The following PTPRK variants were observed in gnomAD, a reference collection of about 807,000 sequenced individuals.
PTPRK encodes receptor-type tyrosine-protein phosphatase kappa.
In PTPRK, 75 loss-of-function variants were observed where a neutral mutation model predicts 178.0. The ratio of observed to expected loss-of-function variants is 0.42; its 90% CI spans 0.35 to 0.51. The LOEUF is 0.51. Ranked by LOEUF, PTPRK falls within the 20% of genes least tolerant of loss-of-function variation. PTPRK has a pLI of 0.02. For missense variants in PTPRK, 1,441 were observed against 1,797.8 expected, an observed-to-expected ratio of 0.80 and a Z score of 3.59; for synonymous variants, 637 against 620.6, an observed-to-expected ratio of 1.03 and a Z score of -0.39.
intron 1 of PTPRK, among the ~76,000 whole-genome samples, chr6:128,478,792 C>T (rs1851684324): frequency 6.6e-6 from 1 of 152,014 alleles, no homozygotes; most frequent in Non-Finnish European, 1.5e-5. Context: ...AATTTACAGG[C>T]AAATAAAGAA....
chr6:128,306,525 G>A (rs1826400242), intron 3 of PTPRK, among the ~76,000 whole-genome samples: 1 of 152,144 alleles, frequency 6.6e-6, no homozygotes, highest in South Asian at 2.1e-4. Flanking sequence ...GCAAGGTATG[G>A]TGGCTCATGC....
chr6:128,179,117 C>A (rs893827374), intron 7 of PTPRK, among the ~76,000 whole-genome samples: 1 of 151,982 alleles, frequency 6.6e-6, no homozygotes, highest in East Asian at 1.9e-4. Flanking sequence ...TTAATGTTTA[C>A]GAGGAGGTAA....
chr6:128,000,029 A>C (rs1444817219), intron 15 of PTPRK: 1 of 957,886 alleles, frequency 1.0e-6, no homozygotes, highest in African/African-American at 1.8e-5. Context: ...GAAGTACTAA[A>C]CATTACAACG....
chr6:128,352,422 A>AGAGG lies in PTPRK; in HGVS notation c.224-30113_224-30112insCCTC, dbSNP rs1554232034. 0.014 allele frequency among the ~76,000 whole-genome samples: 7 copies of AGAGG among 518 alleles called. No individual in the cohort carries two copies. The Admixed American group carries it at 0.27, about 20-fold the overall frequency. The allele number at this position is 518 out of a possible 152,430, so 0.3% of individuals were successfully genotyped here. ...TCATTCTGCAACTACCTCTAGTTGC[A>AGAGG]GATCACTGTACAGTCCAGATTTGAT... is the stretch of plus-strand genomic sequence containing the variant. On this transcript the variant is annotated intron_variant, in intron 2 of 29. Coordinates refer to ENST00000368226, the MANE Select transcript of PTPRK (RefSeq NM_002844.4).
chr6:128,255,540 G>A (rs1817143908), intron 3 of PTPRK, among the ~76,000 whole-genome samples: 1 of 152,222 alleles, frequency 6.6e-6, no homozygotes, highest in Non-Finnish European at 1.5e-5. Flanking sequence ...TGTTGTCTAT[G>A]AAAACAGAAG....
Position 128,208,545 on chromosome 6 carries a change from T to C in PTPRK, c.868+10377A>G, listed in dbSNP as rs1045488015. ...CAGTGGGGGATATCTTTCCACATGA[T>C]ATATCTTACATGTGTTTTTATATGC... On this transcript the variant is annotated intron_variant, in intron 6 of 29. Transcript: ENST00000368226. 6.6e-5 allele frequency among the ~76,000 whole-genome samples: 10 copies of C among 152,256 alleles called. No individual in the cohort carries two copies. In the South Asian group the frequency reaches 1.9e-3, roughly 28 times the overall value.
intron 3 of PTPRK, among the ~76,000 whole-genome samples, chr6:128,269,372 A>C (rs1318763982): frequency 6.6e-6 from 1 of 152,040 alleles, no homozygotes; most frequent in African/African-American, 2.4e-5. Context: ...AGATAAAATA[A>C]AGGTAGTAAC....
chr6:128,456,366 C>CA (rs969012173), intron 1 of PTPRK, among the ~76,000 whole-genome samples: 2 of 151,582 alleles, frequency 1.3e-5, no homozygotes, highest in African/African-American at 4.8e-5. Flanking sequence ...GGTTACAGAA[C>CA]AAAAAAGTAT....
In PTPRK at chr6:128,332,131, T is replaced by G. The variant is rs191894999; in HGVS notation, c.224-9821A>C. On this transcript the variant is annotated intron_variant, in intron 2 of 29. Transcript: ENST00000368226. The stretch of plus-strand genomic sequence containing the variant: ...ATTTAGAAACCTGGCCAAGCATTGT[T>G]TTATAGTTTAATCCCCTTCCCCTAC... Among the ~76,000 whole-genome samples the G allele has an allele frequency of 6.4e-4, 97 of 152,208 alleles. 1 individual carries two copies. The highest frequency in any genetic ancestry group is 2.0e-3 in the African/African-American group (83 of 41,538).
At chr6:128,010,705 TC>T (rs1438817715) in intron 13 of PTPRK, among the ~76,000 whole-genome samples, 1 of 151,266 alleles carries the variant, frequency 6.6e-6, no homozygotes, top group African/African-American at 2.4e-5. Context: ...AATAAAAGCG[TC>T]AGAACAGTTA....
chr6:128,047,263 A>G (rs977920540), intron 13 of PTPRK, among the ~76,000 whole-genome samples: 2 of 152,182 alleles, frequency 1.3e-5, no homozygotes, highest in African/African-American at 4.8e-5. Context: ...AAAGATTTTT[A>G]GAGGGAGTGA....
intron 1 of PTPRK, among the ~76,000 whole-genome samples, chr6:128,431,797 A>G (rs966172530): frequency 1.3e-5 from 2 of 152,234 alleles, no homozygotes; most frequent in Non-Finnish European, 2.9e-5. Flanking sequence ...TAACACTAAA[A>G]CTGTTTCCAA....
chr6:128,225,305 G>A (rs1013144823), intron 5 of PTPRK, among the ~76,000 whole-genome samples: 2 of 152,064 alleles, frequency 1.3e-5, no homozygotes, highest in African/African-American at 4.8e-5. Context: ...GACTCAGAAA[G>A]AGCCTATTTT....
intron 5 of PTPRK, among the ~76,000 whole-genome samples, chr6:128,226,615 T>G (rs927853915): frequency 2.6e-5 from 4 of 152,038 alleles, no homozygotes; most frequent in African/African-American, 9.7e-5. Context: ...GCATGCATGT[T>G]TTAGCCTGCC....
chr6:128,417,956 TAC>T (rs1467538305), intron 1 of PTPRK, among the ~76,000 whole-genome samples: 1 of 152,214 alleles, frequency 6.6e-6, no homozygotes, highest in Non-Finnish European at 1.5e-5. Flanking sequence ...CCCACCCATA[TAC>T]AGAGAGATGA....
intron 7 of PTPRK, among the ~76,000 whole-genome samples, chr6:128,090,360 G>C (rs1398504470): frequency 6.6e-6 from 1 of 152,036 alleles, no homozygotes; most frequent in Non-Finnish European, 1.5e-5. Flanking sequence ...TATCAAAATG[G>C]ATAAGACTCA....
At chr6:128,028,042 T>G (rs1036382850) in intron 13 of PTPRK, 9 of 152,224 alleles carry the variant, frequency 5.9e-5, no homozygotes, top group African/African-American at 2.2e-4. Flanking sequence ...TTCTAAAACT[T>G]AAATATGATC....
chr6:127,975,855 TAG>T (rs1364799075), intron 27 of PTPRK, among the ~76,000 whole-genome samples: 1 of 148,416 alleles, frequency 6.7e-6, no homozygotes, highest in Non-Finnish European at 1.5e-5. Context: ...GTATTTTTAG[TAG>T]AGATGGGGTT....
At chr6:128,336,499 G>A (rs555292265) in intron 2 of PTPRK, among the ~76,000 whole-genome samples, 16 of 152,168 alleles carry the variant, frequency 1.1e-4, no homozygotes, top group African/African-American at 3.4e-4. Context: ...CTTACAGGAG[G>A]GAAGAAGAAA....
Sources: gnomAD v4.1 joint callset for allele counts (sites outside exome capture counted in the v4.1 genomes callset) on GRCh38, gnomAD v4.1.1 for gene constraint, MANE v1.5 for transcripts, NCBI Gene and HGNC (gene_info 2026-07-23, HGNC 2026-07-21) for gene names.